The following CYTH1 variants were observed in gnomAD, a reference collection of about 807,000 sequenced individuals.
The protein encoded by CYTH1 is cytohesin-1.
In CYTH1, 18 loss-of-function variants were observed where a neutral mutation model predicts 61.8. The observed-to-expected ratio is 0.29, with a 90% confidence interval of 0.20 to 0.43. CYTH1 has a LOEUF of 0.43. Among genes scored for constraint, CYTH1 ranks in the 20% least tolerant of loss-of-function variants. The pLI is 1.00. For missense variants in CYTH1, 336 were observed against 510.5 expected (o/e 0.66, Z 3.29); for synonymous variants, 174 against 184.3 (o/e 0.94, Z 0.45).
chr17:78,746,196 A>G (rs2093358833), intron 1 of CYTH1, among the ~76,000 whole-genome samples: 1 of 152,168 alleles, frequency 6.6e-6, no homozygotes, highest in South Asian at 2.1e-4. Flanking sequence ...AGTATGTGGC[A>G]GGGGGTGGGG....
chr17:78,779,801 A>T (rs976965924), intron 1 of CYTH1, among the ~76,000 whole-genome samples: 1 of 152,242 alleles, frequency 6.6e-6, no homozygotes, highest in African/African-American at 2.4e-5. Flanking sequence ...CCTGTCCGAC[A>T]CCTTGGCTTT....
chr17:78,713,808 G>A (rs1177282555), intron 1 of CYTH1, among the ~76,000 whole-genome samples: 1 of 150,226 alleles, frequency 6.7e-6, no homozygotes, highest in Admixed American at 6.6e-5. Flanking sequence ...ACCCTGAGAA[G>A]CCAACTTGTA....
intron 1 of CYTH1, among the ~76,000 whole-genome samples, chr17:78,768,029 G>A (rs936159940): frequency 1.3e-5 from 2 of 152,294 alleles, no homozygotes; most frequent in South Asian, 2.1e-4. Context: ...GAGACCGATC[G>A]TCCTGGAGGT....
Position 78,738,174 on chromosome 17 carries a change from C to T in CYTH1, c.23-28442G>A, listed in dbSNP as rs1353885521. On this transcript the variant is annotated intron_variant, in intron 1 of 13. Transcript: ENST00000446868. The stretch of plus-strand genomic sequence containing the variant: ...CAGACATAGCTTCCCACCTCATCAT[C>T]GTAATAGATAACATTTATTGCATGC... Among the ~76,000 whole-genome samples, 4 of 152,190 alleles carry T rather than the reference C, an allele frequency of 2.6e-5. No individual in the cohort carries two copies. In the South Asian group the frequency reaches 6.2e-4, roughly 24 times the overall value.
chr17:78,731,610 T>C (rs944544598), intron 1 of CYTH1, among the ~76,000 whole-genome samples: 2 of 151,568 alleles, frequency 1.3e-5, no homozygotes, highest in Admixed American at 1.3e-4. Flanking sequence ...ATACAAAAAA[T>C]AGCCGGGAGT....
Position 78,692,592 on chromosome 17 carries a change from G to C in CYTH1, c.815-99C>G, listed in dbSNP as rs999102478. Reference sequence around the variant, plus strand: ...CCCTCTCTTCTCAGAGAGGGTTGGGGGAGAGGCATCAGGAGAACGTGGAGC... The same window carrying C: ...CCCTCTCTTCTCAGAGAGGGTTGGGCGAGAGGCATCAGGAGAACGTGGAGC... On this transcript the variant is annotated intron_variant, in intron 10 of 13. Coordinates refer to ENST00000446868, the MANE Select transcript of CYTH1 (RefSeq NM_004762.6). 8.7e-6 allele frequency: 10 copies of C among 1,144,098 alleles called. No individual in the cohort carries two copies. The African/African-American group carries it at 1.5e-4, about 18-fold the overall frequency. The allele number at this position is 1,144,098 out of a possible 1,614,324, so 70.9% of individuals were successfully genotyped here.
rs1240445063 is a variant in CYTH1 at position 78,730,036 on chromosome 17, G to T, written c.23-20304C>A. On this transcript the variant is annotated intron_variant, in intron 1 of 13. Transcript: ENST00000446868. Reference sequence around the variant, plus strand: ...CCAGCCACTTATATTTGCTCAGACTGGCCCAATATTTCTATTATAGAAGAA... The same window carrying T: ...CCAGCCACTTATATTTGCTCAGACTTGCCCAATATTTCTATTATAGAAGAA... Among the ~76,000 whole-genome samples the T allele has an allele frequency of 2.0e-4, 30 of 152,060 alleles. 1 individual carries two copies. Among genetic ancestry groups the T allele is most frequent in the Admixed American group, 2.0e-3 (30 of 15,270 alleles).
intron 1 of CYTH1, among the ~76,000 whole-genome samples, chr17:78,772,544 G>A (rs1040884335): frequency 1.3e-5 from 2 of 152,042 alleles, no homozygotes; most frequent in Non-Finnish European, 2.9e-5. Flanking sequence ...TTTCGTTTTT[G>A]TTTTTGTTTT....
Position 78,680,906 on chromosome 17 carries a change from TA to T in CYTH1, c.963+64del, listed in dbSNP as rs937679582. 7.2e-5 allele frequency: 112 copies of T among 1,551,314 alleles called. No homozygotes were observed. In the African/African-American group the frequency reaches 1.4e-3, roughly 20 times the overall value. On this transcript the variant is annotated intron_variant, in intron 12 of 13. Coordinates refer to ENST00000446868, the MANE Select transcript of CYTH1 (RefSeq NM_004762.6). ...TTCAGTTTTTTGGTTTTGAGTTTTT[TA>T]AAAAAAATCTTTGAAATGCCCATCC...
At chr17:78,760,385 ACACACACATACATATATATATGTG>A (rs1293701030) in intron 1 of CYTH1, among the ~76,000 whole-genome samples, 2,141 of 34,626 alleles carry the variant, frequency 0.062, 225 homozygotes, top group South Asian at 0.082. Flanking sequence ...ATATATATAT[ACACACACATACATATATATATGTG>A]TATATATATA....
chr17:78,697,325 CAA>C (rs5822262), intron 9 of CYTH1, among the ~76,000 whole-genome samples: 19 of 95,312 alleles, frequency 2.0e-4, no homozygotes, highest in Admixed American at 3.7e-4. Flanking sequence ...TGCTAGTGTC[CAA>C]AAAAAAAAAA....
Position 78,681,287 on chromosome 17 carries a change from G to A in CYTH1, c.892-245C>T, listed in dbSNP as rs1598812602. Among the ~76,000 whole-genome samples, 4 of 152,316 alleles carry A rather than the reference G, an allele frequency of 2.6e-5. No individual in the cohort carries two copies. In the South Asian group the frequency reaches 8.3e-4, roughly 32 times the overall value. On this transcript the variant is annotated intron_variant, in intron 11 of 13. Transcript: ENST00000446868. Reference sequence around the variant, plus strand: ...AGAAGATTCAACAGACACCGTGAGAGTGTGGCCGGCAGTGACCCGGGCACG... The same window carrying A: ...AGAAGATTCAACAGACACCGTGAGAATGTGGCCGGCAGTGACCCGGGCACG...
Position 78,694,922 on chromosome 17 carries a change from A to C in CYTH1, c.814+1085T>G, listed in dbSNP as rs199771244. Among the ~76,000 whole-genome samples the C allele has an allele frequency of 2.6e-5, 4 of 152,268 alleles. No homozygotes were observed. The East Asian group carries it at 7.7e-4, about 29-fold the overall frequency. Reference sequence around the variant, plus strand: ...AAAGAAAAGCAGACATGAAACAAGCAGACAGATCAATGTGCGCCTAGGACA... The same window carrying C: ...AAAGAAAAGCAGACATGAAACAAGCCGACAGATCAATGTGCGCCTAGGACA... On this transcript the variant is annotated intron_variant, in intron 10 of 13. Transcript: ENST00000446868.
At chr17:78,694,498 A>C (rs910193788) in intron 10 of CYTH1, among the ~76,000 whole-genome samples, 7 of 152,226 alleles carry the variant, frequency 4.6e-5, no homozygotes, top group Non-Finnish European at 7.3e-5. Context: ...AGGAGGATAA[A>C]GAAGGCAAGG....
chr17:78,698,124 C>T, intron 9 of CYTH1, 145 bp downstream of exon 9: 1 of 709,276 alleles, frequency 1.4e-6, no homozygotes. Context: ...TGTGAACATG[C>T]ATGCGCGTGC....
At position 78,761,778 on chromosome 17, in the gene CYTH1, A is replaced by G. The variant is rs184439805; in HGVS notation, c.22+20424T>C. On this transcript the variant is annotated intron_variant, in intron 1 of 13. Transcript: ENST00000446868. ...AGAGTGTTATTTTTAAAAACTTTTT[A>G]AAGCTTAAATTCCTCTTATTAGAAT... 3.4e-3 allele frequency among the ~76,000 whole-genome samples: 522 copies of G among 152,372 alleles called. 3 individuals are homozygous for G. Among genetic ancestry groups the G allele is most frequent in the Non-Finnish European group, 6.3e-3 (428 of 68,036 alleles).
intron 1 of CYTH1, among the ~76,000 whole-genome samples, chr17:78,778,637 C>CAAAAAAA (rs71309108): frequency 9.3e-5 from 6 of 64,210 alleles, no homozygotes; most frequent in African/African-American, 2.0e-4. Flanking sequence ...GACTCCATCT[C>CAAAAAAA]AAAAAAAAAA....
intron 9 of CYTH1, 64 bp from the exon 10 acceptor site, chr17:78,696,073 G>T: frequency 7.3e-7 from 1 of 1,365,704 alleles, no homozygotes; most frequent in Non-Finnish European, 9.8e-7. Flanking sequence ...AGGGAGAAAA[G>T]AAAATTAAAA....
chr17:78,777,288 G>A (rs1196929662), intron 1 of CYTH1, among the ~76,000 whole-genome samples: 3 of 151,686 alleles, frequency 2.0e-5, no homozygotes, highest in East Asian at 1.9e-4. Flanking sequence ...GTGTGGTGGC[G>A]GGTGCCTGTA....
Sources: allele counts gnomAD v4.1 joint callset (sites outside exome capture counted in the v4.1 genomes callset), GRCh38; gene constraint gnomAD v4.1.1; transcripts MANE v1.5; gene names NCBI Gene and HGNC (gene_info 2026-07-23, HGNC 2026-07-21).